The following TBX22 variants were observed in gnomAD, a reference collection of about 807,000 sequenced individuals.
TBX22 encodes T-box transcription factor TBX22.
A neutral mutation model predicts 30.1 loss-of-function variants in TBX22; 8 were observed. The observed-to-expected ratio is 0.27, with a 90% CI of 0.16 to 0.48. The LOEUF is 0.48. Among genes scored for constraint, TBX22 ranks in the 20% least tolerant of loss-of-function variants. TBX22 has a pLI of 0.99. For synonymous variants in TBX22, 173 were observed against 149.1 expected (o/e 1.16, Z -1.17); for missense variants, 463 against 400.5 (o/e 1.16, Z -1.33).
intron 2 of TBX22, 106 bp downstream of exon 2, chrX:80,022,550 G>A: frequency 2.5e-6 from 2 of 802,926 alleles, no homozygotes; most frequent in South Asian, 2.2e-5. Flanking sequence ...TAGGAGCCGC[G>A]AGACACCTCG....
chrX:80,025,957 C>A (rs761336597), intron 5 of TBX22, among the ~76,000 whole-genome samples, 180 bp downstream of exon 5: 1 of 111,429 alleles, frequency 9.0e-6, no homozygotes, highest in African/African-American at 3.3e-5. Context: ...GTTTGTTTAG[C>A]ATCTGAGATG....
intron 1 of TBX22, among the ~76,000 whole-genome samples, chrX:80,019,824 G>C (rs1296898441): frequency 2.7e-5 from 3 of 111,479 alleles, no homozygotes; most frequent in African/African-American, 9.8e-5. Context: ...ATACAGAAAT[G>C]GGAATGGAAA....
Position 80,025,716 on chromosome X carries a change from G to A in TBX22, c.572G>A (p.Arg191Gln), listed in dbSNP as rs747262805. 30 of 1,209,195 alleles carry A rather than the reference G, an allele frequency of 2.5e-5. No individual in the cohort carries two copies. The highest frequency in any genetic ancestry group is 2.3e-4 in the Middle Eastern group (1 of 4,369). The change falls in exon 5 of 9, where the codon CGG becomes CAG. Residue 191 changes from arginine to glutamine, a missense_variant. Coordinates refer to ENST00000373296, the MANE Select transcript of TBX22 (RefSeq NM_001109878.2). ...CCCTGCTCGGGAGAGACCTGGATGC[G>A]GCAGATCATCAGCTTTGATCGCATG... ...DSPCSGETWM[R>Q]QIISFDRMKL... is the part of the protein sequence containing the mutation.
intron 1 of TBX22, among the ~76,000 whole-genome samples, chrX:80,019,301 C>A (rs1330474867): frequency 9.2e-6 from 1 of 108,497 alleles, no homozygotes; most frequent in Non-Finnish European, 1.9e-5. Flanking sequence ...AGGTCTTTCC[C>A]AAGTAATGAC....
chrX:80,017,317 T>TGTGTGTG, intron 1 of TBX22, among the ~76,000 whole-genome samples: 3 of 104,080 alleles, frequency 2.9e-5, no homozygotes, highest in African/African-American at 6.9e-5. Context: ...TGTGTGTGTG[T>TGTGTGTG]TTTCTTTAAT....
At chrX:80,020,259 A>G (rs961899387) in intron 1 of TBX22, among the ~76,000 whole-genome samples, 1 of 109,492 alleles carries the variant, frequency 9.1e-6, no homozygotes, top group African/African-American at 3.3e-5. Context: ...AGAGCATGCA[A>G]TAAATAAAAT....
At chrX:80,020,193 T>C (rs1007181555) in intron 1 of TBX22, among the ~76,000 whole-genome samples, 1 of 111,729 alleles carries the variant, frequency 9.0e-6, no homozygotes, top group Admixed American at 9.5e-5. Flanking sequence ...ATAATTGCAC[T>C]CTAAAATTAA....
At chrX:80,022,635 G>A (rs1319081976) in intron 2 of TBX22, 191 bp downstream of exon 2, 2 of 478,338 alleles carry the variant, frequency 4.2e-6, no homozygotes, top group East Asian at 3.7e-5. Context: ...CGGTAAAGGG[G>A]AGGGTCCCTA....
At chrX:80,016,677 T>G (rs1923449891) in intron 1 of TBX22, among the ~76,000 whole-genome samples, 1 of 111,327 alleles carries the variant, frequency 9.0e-6, no homozygotes, top group East Asian at 2.8e-4. Flanking sequence ...ATAGCATATT[T>G]GGAGGTAACT....
rs1403650886 is a variant in TBX22 at position 80,024,133 on chromosome X, G to A, written c.427G>A (p.Asp143Asn). 3 of 1,208,919 alleles carry A rather than the reference G, an allele frequency of 2.5e-6. No individual in the cohort carries two copies. The highest frequency in any genetic ancestry group is 3.4e-6 in the Non-Finnish European group (3 of 894,788). ...DPGKQYHVAIDVVPVDSKRYR... is the reference protein window; with the variant it reads ...DPGKQYHVAINVVPVDSKRYR... ...AGGGAAGCAGTACCATGTGGCCATC[G>A]ATGTGGTGCCGGTGGATTCCAAACG... is the stretch of plus-strand genomic sequence containing the variant. Residue 143 changes from aspartate (D) to asparagine (N), a missense_variant, in exon 4 of 9, where the codon GAT becomes AAT. By Grantham distance (23) the Asp-to-Asn change is conservative. Transcript: ENST00000373296.
chrX:80,026,183 G>C (rs1176461451), intron 5 of TBX22, among the ~76,000 whole-genome samples: 2 of 111,297 alleles, frequency 1.8e-5, no homozygotes, highest in East Asian at 5.7e-4. Context: ...AAGGATACAA[G>C]TGGGGGAATC....
chrX:80,017,005 CAAAA>C (rs1270817239), intron 1 of TBX22, among the ~76,000 whole-genome samples: 1 of 29,297 alleles, frequency 3.4e-5, no homozygotes, highest in Admixed American at 5.3e-4. Context: ...GATTCTGTCT[CAAAA>C]AAAAAAAAAA....
intron 1 of TBX22, among the ~76,000 whole-genome samples, chrX:80,015,283 G>A (rs1923377584): frequency 1.8e-5 from 2 of 112,122 alleles, no homozygotes; most frequent in South Asian, 7.6e-4. Flanking sequence ...TAGGGAGCAA[G>A]GGGAAGGGAC....
At chrX:80,026,896 G>A (rs1458418945) in intron 6 of TBX22, 28 bp downstream of exon 6, 2 of 1,203,334 alleles carry the variant, frequency 1.7e-6, no homozygotes, top group East Asian at 3.0e-5. Flanking sequence ...TCAGGCGAAT[G>A]GAAATGGCTC....
At chrX:80,030,277 C>T (rs1387896607) in intron 8 of TBX22, among the ~76,000 whole-genome samples, 1 of 111,933 alleles carries the variant, frequency 8.9e-6, no homozygotes, top group Non-Finnish European at 1.9e-5. Flanking sequence ...AGACCTGTAC[C>T]AGTGGGTAAC....
rs190890821 is a variant in TBX22, at chrX:80,023,019, G to A, written c.176-41G>A. 6 of 1,190,414 alleles carry A rather than the reference G, an allele frequency of 5.0e-6. No individual in the cohort carries two copies. The East Asian group carries it at 1.5e-4, about 30-fold the overall frequency. On this transcript the variant is annotated intron_variant, in intron 2 of 8. Coordinates refer to ENST00000373296, the MANE Select transcript of TBX22 (RefSeq NM_001109878.2). ...AGCGAGAAGTGGGCATGTGAACTGT[G>A]ACGCTCTCTCAAACCCTGAGCGCCT...
Position 80,014,898 on chromosome X carries a change from C to CAGTAAGGTAAA in TBX22, c.-3+11_-3+12insAGTAAGGTAAA, listed in dbSNP as rs1230527116. ...CTTCTTGCCTTCCAGGTAAATACCT[C>CAGTAAGGTAAA]TGCCTTACTGACCATGTTATGGGTT... is the stretch of plus-strand genomic sequence containing the variant. On this transcript the variant is annotated intron_variant, in intron 1 of 8. Coordinates refer to ENST00000373296, the MANE Select transcript of TBX22 (RefSeq NM_001109878.2). 8.9e-6 allele frequency: 1 copy of CAGTAAGGTAAA among 112,174 alleles called. No homozygotes were observed. The highest frequency in any genetic ancestry group is 3.2e-5 in the African/African-American group (1 of 30,856). The allele number at this position is 112,174 out of a possible 1,213,427, so 9.2% of individuals were successfully genotyped here. A position where few individuals can be genotyped will look rare whatever the true frequency, so the allele number is the denominator to read the frequency against.
chrX:80,021,721 G>T (rs1265510065), intron 1 of TBX22, among the ~76,000 whole-genome samples: 1 of 111,406 alleles, frequency 9.0e-6, no homozygotes, highest in East Asian at 2.8e-4. Context: ...TGTTTTTTAT[G>T]CTTCCAATAG....
At chrX:80,015,533 G>C (rs1317176861) in intron 1 of TBX22, among the ~76,000 whole-genome samples, 4 of 112,609 alleles carry the variant, frequency 3.6e-5, no homozygotes, top group African/African-American at 9.7e-5. Flanking sequence ...TGGGGTGAGA[G>C]AGGGAACATC....
Sources: allele counts gnomAD v4.1 joint callset (sites outside exome capture counted in the v4.1 genomes callset), GRCh38; gene constraint gnomAD v4.1.1; transcripts MANE v1.5; gene names NCBI Gene and HGNC (gene_info 2026-07-23, HGNC 2026-07-21).